TOP6BL: variants seen among roughly 807,000 people sequenced by gnomAD.
TOP6BL encodes the protein TOP6B like initiator of meiotic double strand breaks.
the TOP6BL span, among the ~76,000 whole-genome samples, chr11:66,750,127 A>C: frequency 6.6e-6 from 1 of 152,186 alleles, no homozygotes; most frequent in African/African-American, 2.4e-5. Flanking sequence ...GAACTATACT[A>C]TACATATGAC....
the TOP6BL span, among the ~76,000 whole-genome samples, chr11:66,782,343 A>G: frequency 2.0e-5 from 3 of 152,152 alleles, no homozygotes; most frequent in Non-Finnish European, 4.4e-5. Context: ...ACTCCATAGC[A>G]CCTGCTCTGT....
At chr11:66,783,009 A>G in the TOP6BL span, among the ~76,000 whole-genome samples, 10 of 152,172 alleles carry the variant, frequency 6.6e-5, no homozygotes, top group Non-Finnish European at 1.5e-4. Context: ...GATGGTAAAC[A>G]TTTTAAGTCT....
chr11:66,843,218 C>A, the TOP6BL span: 1 of 1,610,556 alleles, frequency 6.2e-7, no homozygotes, highest in Non-Finnish European at 8.5e-7. Context: ...TGGCTGAGTC[C>A]CAGCCCTGGG....
At chr11:66,776,749 T>G in the TOP6BL span, among the ~76,000 whole-genome samples, 1 of 152,140 alleles carries the variant, frequency 6.6e-6, no homozygotes, top group Non-Finnish European at 1.5e-5. Context: ...GTGCTGTATT[T>G]CCTGAAATGC....
the TOP6BL span, among the ~76,000 whole-genome samples, chr11:66,809,314 CAGA>C: frequency 6.6e-6 from 1 of 152,206 alleles, no homozygotes; most frequent in Non-Finnish European, 1.5e-5. Context: ...CCCATACCAA[CAGA>C]AGGTGTTAGA....
chr11:66,793,280 A>G, the TOP6BL span, among the ~76,000 whole-genome samples: 1 of 151,046 alleles, frequency 6.6e-6, no homozygotes, highest in Non-Finnish European at 1.5e-5. Context: ...TTCAGTAGAG[A>G]TGGGGTTTCA....
At chr11:66,782,528 C>T in the TOP6BL span, among the ~76,000 whole-genome samples, 2 of 152,118 alleles carry the variant, frequency 1.3e-5, no homozygotes, top group Non-Finnish European at 2.9e-5. Context: ...TCTCTGCCTC[C>T]TCAGCTTAGT....
the TOP6BL span, among the ~76,000 whole-genome samples, chr11:66,785,636 C>A: frequency 6.6e-6 from 1 of 152,126 alleles, no homozygotes; most frequent in Non-Finnish European, 1.5e-5. Context: ...GCTCTTGCAT[C>A]TTAATAGATT....
chr11:66,752,999 T>C, the TOP6BL span, among the ~76,000 whole-genome samples: 1 of 151,894 alleles, frequency 6.6e-6, no homozygotes, highest in South Asian at 2.1e-4. Flanking sequence ...TGTGGCAGTA[T>C]GCGGCTGTAG....
chr11:66,764,657 T>C, the TOP6BL span, among the ~76,000 whole-genome samples: 2 of 134,840 alleles, frequency 1.5e-5, no homozygotes, highest in African/African-American at 5.7e-5. Flanking sequence ...AATGCGAGAC[T>C]CCATCTCCAA....
the TOP6BL span, among the ~76,000 whole-genome samples, chr11:66,834,757 C>T: frequency 6.6e-6 from 1 of 152,142 alleles, no homozygotes; most frequent in Non-Finnish European, 1.5e-5. Context: ...TCATGGTGCA[C>T]TACAGCCTCG....
At chr11:66,827,031 G>C in the TOP6BL span, among the ~76,000 whole-genome samples, 1 of 146,060 alleles carries the variant, frequency 6.8e-6, no homozygotes, top group South Asian at 2.2e-4. Flanking sequence ...GCCCAGGCTG[G>C]AGTGCAATGG....
the TOP6BL span, among the ~76,000 whole-genome samples, chr11:66,840,503 C>T: frequency 6.6e-6 from 1 of 152,134 alleles, no homozygotes. Flanking sequence ...GCAGGTCAAG[C>T]TCTCATTTCA....
At chr11:66,755,452 TTG>T in the TOP6BL span, among the ~76,000 whole-genome samples, 1 of 152,190 alleles carries the variant, frequency 6.6e-6, no homozygotes, top group African/African-American at 2.4e-5. Flanking sequence ...ACAATCATGT[TTG>T]TCTCTTGTTT....
chr11:66,762,062 G>T, the TOP6BL span: 1 of 1,319,554 alleles, frequency 7.6e-7, no homozygotes, highest in Non-Finnish European at 1.1e-6. Context: ...CACTAATTTA[G>T]CTTCTGTCCC....
chr11:66,800,957 G>C, the TOP6BL span: 1 of 1,528,836 alleles, frequency 6.5e-7, no homozygotes, highest in Admixed American at 1.8e-5. Context: ...AGTAGTCATG[G>C]GCCAAAATTT....
the TOP6BL span, among the ~76,000 whole-genome samples, chr11:66,785,315 C>T: frequency 6.6e-6 from 1 of 151,974 alleles, no homozygotes; most frequent in African/African-American, 2.4e-5. Flanking sequence ...ACAGTGTTTC[C>T]TTGTTTCATG....
the TOP6BL span, chr11:66,758,391 A>G: frequency 1.5e-5 from 2 of 135,304 alleles, no homozygotes; most frequent in African/African-American, 5.6e-5. Context: ...AGCTCACTGC[A>G]AGCTCCGCCT....
chr11:66,744,819 GGGCGGCGGC>G, the TOP6BL span: 279 of 1,230,548 alleles, frequency 2.3e-4, no homozygotes, highest in Middle Eastern at 7.4e-4. Flanking sequence ...GCTGAGGAGG[GGGCGGCGGC>G]GGCGGCGGCG....
Sources: gnomAD v4.1 joint callset for allele counts (sites outside exome capture counted in the v4.1 genomes callset) on GRCh38, gnomAD v4.1.1 for gene constraint, MANE v1.5 for transcripts, NCBI Gene and HGNC (gene_info 2026-07-23, HGNC 2026-07-21) for gene names.